The following LETM2 variants were observed in gnomAD, a reference collection of about 807,000 sequenced individuals.
LETM2 encodes LETM1 domain-containing protein LETM2, mitochondrial.
Under a neutral mutation model 59.6 loss-of-function variants are expected in LETM2, and 58 were observed. The ratio of observed to expected loss-of-function variants is 0.97; its 90% CI spans 0.79 to 1.21. The LOEUF is 1.21. Ranked by LOEUF, LETM2 falls within the 50% of genes most tolerant of loss-of-function variation. The pLI is 0.00. For missense variants in LETM2, 572 were observed against 575.7 expected (o/e 0.99, Z 0.07); for synonymous variants, 199 against 214.1 (o/e 0.93, Z 0.62).
At chr8:38,386,154 G>T (rs118043030), upstream of LETM2, 86 of 152,322 alleles carry the variant, frequency 5.6e-4, no homozygotes, top group African/African-American at 2.0e-3. Flanking sequence ...ACTCCGAAAT[G>T]GTTACCATGG....
chr8:38,408,184 G>T (rs1051997402), intron 10 of LETM2, 28 bp from the exon 11 acceptor site: 1 of 1,596,464 alleles, frequency 6.3e-7, no homozygotes. Context: ...TGTGACTAAT[G>T]CCTACAGTCC....
At chr8:38,396,968 G>T (rs1812738220) in intron 4 of LETM2, 1 of 373,086 alleles carries the variant, frequency 2.7e-6, no homozygotes, top group Non-Finnish European at 5.3e-6. Context: ...GGTGACTAGT[G>T]GAACAGTAGG....
chr8:38,399,405 G>C (rs1812975871), intron 4 of LETM2, among the ~76,000 whole-genome samples: 1 of 151,988 alleles, frequency 6.6e-6, no homozygotes, highest in African/African-American at 2.4e-5. Flanking sequence ...AGTTTTCTTT[G>C]TTTGTAAAGA....
intron 4 of LETM2, among the ~76,000 whole-genome samples, chr8:38,396,212 G>A (rs1241529809): frequency 2.0e-5 from 3 of 151,032 alleles, no homozygotes; most frequent in Non-Finnish European, 4.4e-5. Context: ...CGCCCAGGCT[G>A]GAGTGCAATG....
chr8:38,400,496 C>A, intron 5 of LETM2, 87 bp downstream of exon 5: 1 of 1,312,892 alleles, frequency 7.6e-7, no homozygotes, highest in Non-Finnish European at 1.0e-6. Flanking sequence ...CCAAATTGTT[C>A]ACCATCTTTG....
intron 2 of LETM2, among the ~76,000 whole-genome samples, chr8:38,391,148 A>G (rs1368568143): frequency 1.4e-5 from 2 of 139,530 alleles, no homozygotes; most frequent in African/African-American, 5.2e-5. Flanking sequence ...ACTGTACTCC[A>G]GCCTGGGTGA....
intron 8 of LETM2, chr8:38,404,907 A>G (rs1813594093): frequency 5.4e-6 from 1 of 185,188 alleles, no homozygotes; most frequent in Non-Finnish European, 1.2e-5. Flanking sequence ...AACCTGGGAG[A>G]CGGAGGTGCA....
intron 4 of LETM2, chr8:38,394,491 G>A: frequency 3.1e-6 from 1 of 320,772 alleles, no homozygotes; most frequent in Non-Finnish European, 5.6e-6. Flanking sequence ...CTTTGCAAAT[G>A]CATAATTTCA....
upstream of LETM2, among the ~76,000 whole-genome samples, chr8:38,384,957 G>T (rs766786949): frequency 6.6e-6 from 1 of 152,218 alleles, no homozygotes. Context: ...GTACATGGTA[G>T]TGCAATGATT....
Position 38,392,634 on chromosome 8 carries a change from G to A in LETM2, c.140G>A (p.Cys47Tyr). The A allele has an allele frequency of 6.2e-7, 1 of 1,613,866 alleles. No homozygotes were observed. Among genetic ancestry groups the A allele is most frequent in the South Asian group, 1.1e-5 (1 of 91,074 alleles). Residue 47 changes from cysteine (C) to tyrosine (Y), a missense_variant, in exon 3 of 11, where the codon TGT becomes TAT. Coordinates refer to ENST00000379957, the MANE Select transcript of LETM2 (RefSeq NM_001286819.2). ...CCAGATTCCCATTTAAATAAGACAT[G>A]TATGAAGAACTATGAGAGCAAGAAG... is the stretch of plus-strand genomic sequence containing the variant. ...HLPDSHLNKT[C>Y]MKNYESKKYS...
chr8:38,402,433 CTCTGAT>C, intron 6 of LETM2, 86 bp from the exon 7 acceptor site: 1 of 1,446,470 alleles, frequency 6.9e-7, no homozygotes. Flanking sequence ...GCATCCAAGC[CTCTGAT>C]TCTGTTTCCA....
chr8:38,402,537 G>T lies in LETM2; in HGVS notation c.997G>T (p.Glu333Ter), dbSNP rs754583761. 2 of 1,613,872 alleles carry T rather than the reference G, an allele frequency of 1.2e-6. No individual in the cohort carries two copies. Among genetic ancestry groups the T allele is most frequent in the African/African-American group, 2.7e-5 (2 of 74,894 alleles). ...IKADDEIIAKEGVTALSVSEL... is the reference protein window; with the variant it reads ...IKADDEIIAK ...ACATTTCTTTCAGATAATTGCCAAGGAAGGGGTGACAGCATTGAGTGTATC... is the reference window on the plus strand; with the variant it reads ...ACATTTCTTTCAGATAATTGCCAAGTAAGGGGTGACAGCATTGAGTGTATC... Residue 333 changes from glutamate to a stop codon, truncating the protein, a stop_gained, in exon 7 of 11, where the codon GAA (glutamate) becomes TAA (stop). Transcript: ENST00000379957. LOFTEE classifies it high-confidence loss of function.
intron 4 of LETM2, among the ~76,000 whole-genome samples, chr8:38,398,951 T>C (rs1348870908): frequency 2.0e-5 from 3 of 151,936 alleles, no homozygotes; most frequent in Non-Finnish European, 2.9e-5. Flanking sequence ...AAACTCCTGA[T>C]CTCAGGTGAT....
At chr8:38,390,352 T>A (rs1326034803) in intron 2 of LETM2, among the ~76,000 whole-genome samples, 1 of 151,838 alleles carries the variant, frequency 6.6e-6, no homozygotes, top group Non-Finnish European at 1.5e-5. Flanking sequence ...CCGGGTGTGA[T>A]GGCTCACACC....
intron 10 of LETM2, among the ~76,000 whole-genome samples, chr8:38,407,693 G>C (rs527602982): frequency 6.6e-6 from 1 of 152,216 alleles, no homozygotes; most frequent in South Asian, 2.1e-4. Context: ...AAGTGTAGAA[G>C]TCAGTTACAA....
intron 6 of LETM2, 70 bp from the exon 7 acceptor site, chr8:38,402,455 T>G (rs1813309057): frequency 6.4e-7 from 1 of 1,554,792 alleles, no homozygotes; most frequent in African/African-American, 1.4e-5. Flanking sequence ...TTCCACTGAT[T>G]TGCTGGAATT....
chr8:38,391,259 C>T (rs1812239092), intron 2 of LETM2, among the ~76,000 whole-genome samples: 1 of 125,174 alleles, frequency 8.0e-6, no homozygotes, highest in Non-Finnish European at 1.7e-5. Flanking sequence ...CAGTAACTTT[C>T]TTTGCCAGTA....
rs1317105591 is a variant in LETM2, at chr8:38,408,403, C to A, written c.*129C>A. 5 of 728,498 alleles carry A rather than the reference C, an allele frequency of 6.9e-6. No homozygotes were observed. Among genetic ancestry groups the A allele is most frequent in the Non-Finnish European group, 6.9e-6 (3 of 434,450 alleles). 45.1% of individuals were successfully genotyped at this position (728,498 alleles called of 1,614,324 possible). On this transcript the variant is annotated 3_prime_UTR_variant, in exon 11 of 11. Transcript: ENST00000379957. ...TCAGCTGTTTAGCCCGTGGGGCAGT[C>A]CTTTGAGGCCTGGTAACCATTCCAG...
In LETM2 at chr8:38,388,032, T is replaced by TAAGCATTG. The variant is rs1288520600; in HGVS notation, c.47+3_47+10dup. The TAAGCATTG allele has an allele frequency of 1.3e-6, 2 of 1,522,732 alleles. No individual in the cohort carries two copies. Among genetic ancestry groups the TAAGCATTG allele is most frequent in the East Asian group, 4.9e-5 (2 of 40,826 alleles). 94.3% of individuals were successfully genotyped at this position (1,522,732 alleles called of 1,614,324 possible). A position where few individuals can be genotyped will look rare whatever the true frequency, so the allele number is the denominator to read the frequency against. ...AGTTCTGGCTATTGCTCGAACAAGG[T>TAAGCATTG]AAGCATTGGAGTTACCCCCCAATAT... On this transcript the variant is annotated splice_region_variant and intron_variant, in intron 2 of 10. Coordinates refer to ENST00000379957, the MANE Select transcript of LETM2 (RefSeq NM_001286819.2).
Sources: gnomAD v4.1 joint callset for allele counts (sites outside exome capture counted in the v4.1 genomes callset) on GRCh38, gnomAD v4.1.1 for gene constraint, MANE v1.5 for transcripts, NCBI Gene and HGNC (gene_info 2026-07-23, HGNC 2026-07-21) for gene names.